The following PDE4D variants were observed in gnomAD, a reference collection of about 807,000 sequenced individuals.
PDE4D encodes 3',5'-cyclic-AMP phosphodiesterase 4D.
Under a neutral mutation model 87.4 loss-of-function variants are expected in PDE4D, and 24 were observed. That is an observed-to-expected ratio of 0.27 (90% CI 0.20 to 0.39). The LOEUF is 0.39. Among genes scored for constraint, PDE4D ranks in the 10% least tolerant of loss-of-function variants. The pLI is 1.00. For missense variants in PDE4D, 714 were observed against 1,041.0 expected, an observed-to-expected ratio of 0.69 and a Z score of 4.32; for synonymous variants, 384 against 383.2, an observed-to-expected ratio of 1.00 and a Z score of -0.02.
intron 1 of PDE4D, among the ~76,000 whole-genome samples, chr5:59,625,315 G>C (rs1008596567): frequency 6.6e-6 from 1 of 152,112 alleles, no homozygotes; most frequent in African/African-American, 2.4e-5. Flanking sequence ...CAAAAGAAGA[G>C]GGATTTCTAT....
chr5:59,174,116 A>G (rs989951629), intron 5 of PDE4D, among the ~76,000 whole-genome samples: 1 of 152,182 alleles, frequency 6.6e-6, no homozygotes, highest in Non-Finnish European at 1.5e-5. Context: ...ATTAAATATC[A>G]TTATTGTTTT....
intron 1 of PDE4D, among the ~76,000 whole-genome samples, chr5:59,888,994 AGGCGG>A (rs1750556483): frequency 1.3e-5 from 2 of 152,058 alleles, no homozygotes; most frequent in African/African-American, 4.8e-5. Context: ...TGGGAGGCCG[AGGCGG>A]GTGGATAACT....
At chr5:60,361,917 A>G (rs982720238) in intron 1 of PDE4D, among the ~76,000 whole-genome samples, 5 of 152,228 alleles carry the variant, frequency 3.3e-5, no homozygotes, top group African/African-American at 1.2e-4. Flanking sequence ...CTTGTAAAAA[A>G]ATAATAGTGA....
intron 5 of PDE4D, among the ~76,000 whole-genome samples, chr5:59,066,108 G>A (rs957005776): frequency 6.6e-6 from 1 of 152,050 alleles, no homozygotes; most frequent in African/African-American, 2.4e-5. Flanking sequence ...TTGATTCATT[G>A]AACAAATATT....
At chr5:60,351,338 T>C (rs1297296107) in intron 1 of PDE4D, among the ~76,000 whole-genome samples, 1 of 152,188 alleles carries the variant, frequency 6.6e-6, no homozygotes, top group Non-Finnish European at 1.5e-5. Flanking sequence ...TATTTCTGCT[T>C]GGCCAAATAG....
intron 1 of PDE4D, among the ~76,000 whole-genome samples, chr5:59,670,805 C>G (rs1000119417): frequency 6.6e-6 from 1 of 151,636 alleles, no homozygotes; most frequent in Non-Finnish European, 1.5e-5. Flanking sequence ...ATCAACATAG[C>G]TACTTTAATT....
chr5:59,643,522 T>A (rs1741953095), intron 1 of PDE4D, among the ~76,000 whole-genome samples: 1 of 152,242 alleles, frequency 6.6e-6, no homozygotes, highest in Admixed American at 6.5e-5. Flanking sequence ...TATACCTATA[T>A]CAAAATTTAC....
At chr5:59,928,818 CATTTCTATATATTAGAA>C (rs1025897052) in intron 3 of PDE4D, among the ~76,000 whole-genome samples, 77 of 147,186 alleles carry the variant, frequency 5.2e-4, no homozygotes, top group South Asian at 4.0e-3. Flanking sequence ...TAAAATGCTC[CATTTCTATATATTAGAA>C]ATTTCTATAT....
At chr5:59,608,470 G>A (rs571478911) in intron 1 of PDE4D, among the ~76,000 whole-genome samples, 7 of 152,278 alleles carry the variant, frequency 4.6e-5, no homozygotes, top group African/African-American at 1.4e-4. Context: ...TTCTGTGGAT[G>A]AGTGCATGTA....
At chr5:60,008,977 CTTATGCCA>C (rs1417988707) in intron 2 of PDE4D, among the ~76,000 whole-genome samples, 1 of 151,926 alleles carries the variant, frequency 6.6e-6, no homozygotes, top group African/African-American at 2.4e-5. Flanking sequence ...GGATTAGCTC[CTTATGCCA>C]TTAATACCAC....
At chr5:59,971,012 GA>G (rs1476815292) in intron 3 of PDE4D, among the ~76,000 whole-genome samples, 1 of 151,966 alleles carries the variant, frequency 6.6e-6, no homozygotes, top group Admixed American at 6.6e-5. Flanking sequence ...ATACACCATG[GA>G]ATACTATGTG....
At chr5:59,147,987 G>C (rs546708465) in intron 5 of PDE4D, among the ~76,000 whole-genome samples, 10 of 152,208 alleles carry the variant, frequency 6.6e-5, no homozygotes, top group Admixed American at 6.5e-4. Context: ...TTGGTATAAA[G>C]TGATTTTCAA....
intron 1 of PDE4D, among the ~76,000 whole-genome samples, chr5:59,344,246 G>T (rs1779259804): frequency 1.3e-5 from 2 of 152,166 alleles, no homozygotes; most frequent in Non-Finnish European, 2.9e-5. Context: ...ACTAAAAGAT[G>T]TATTGGCCCA....
intron 1 of PDE4D, among the ~76,000 whole-genome samples, chr5:60,269,007 A>G (rs1016209926): frequency 1.3e-5 from 2 of 152,230 alleles, no homozygotes. Context: ...ATTCATATAT[A>G]CATAAATATT....
chr5:59,955,634 A>G (rs1388839648), intron 3 of PDE4D, among the ~76,000 whole-genome samples: 2 of 152,160 alleles, frequency 1.3e-5, no homozygotes, highest in African/African-American at 2.4e-5. Flanking sequence ...TTTTGTCCCA[A>G]TCATTTTAAC....
At chr5:60,038,990 G>T (rs531304462) in intron 2 of PDE4D, among the ~76,000 whole-genome samples, 5 of 150,910 alleles carry the variant, frequency 3.3e-5, no homozygotes, top group Non-Finnish European at 7.4e-5. Context: ...CTGTTGGTGG[G>T]ACTGTAAACT....
chr5:59,549,514 A>C (rs1817776968), intron 1 of PDE4D, among the ~76,000 whole-genome samples: 1 of 152,194 alleles, frequency 6.6e-6, no homozygotes, highest in African/African-American at 2.4e-5. Context: ...ATAGTTTCTC[A>C]ATGTGAATGT....
chr5:59,806,628 G>A (rs1767765020), intron 1 of PDE4D, among the ~76,000 whole-genome samples: 1 of 152,058 alleles, frequency 6.6e-6, no homozygotes, highest in East Asian at 1.9e-4. Context: ...ATTATTTCTT[G>A]AATCTAAAAG....
At chr5:60,214,683 G>C (rs1743644386) in intron 1 of PDE4D, among the ~76,000 whole-genome samples, 1 of 152,094 alleles carries the variant, frequency 6.6e-6, no homozygotes, top group Admixed American at 6.5e-5. Flanking sequence ...TTTAACCATG[G>C]TGCATGGTCC....
Sources: gnomAD v4.1 joint callset for allele counts (sites outside exome capture counted in the v4.1 genomes callset) on GRCh38, gnomAD v4.1.1 for gene constraint, MANE v1.5 for transcripts, NCBI Gene and HGNC (gene_info 2026-07-23, HGNC 2026-07-21) for gene names.